TMEM132C: variants seen among roughly 807,000 people sequenced by gnomAD.
TMEM132C encodes the protein protein phosphatase 1, regulatory subunit 152.
Under a neutral mutation model 61.4 loss-of-function variants are expected in TMEM132C, and 29 were observed. The observed-to-expected ratio is 0.47, with a 90% CI of 0.35 to 0.64. TMEM132C has a LOEUF of 0.64. Ranked by LOEUF, TMEM132C falls within the 30% of genes least tolerant of loss-of-function variation. TMEM132C has a pLI of 0.00. For synonymous variants in TMEM132C, 656 were observed against 633.1 expected, an observed-to-expected ratio of 1.04 and a Z score of -0.54; for missense variants, 1,408 against 1,476.9, an observed-to-expected ratio of 0.95 and a Z score of 0.76.
intron 1 of TMEM132C, among the ~76,000 whole-genome samples, chr12:128,352,158 G>C (rs186012155): frequency 6.6e-6 from 1 of 152,306 alleles, no homozygotes; most frequent in Admixed American, 6.5e-5. Context: ...TGCTAATAAA[G>C]ATATACCTGA....
At position 128,692,211 on chromosome 12, in the gene TMEM132C, C is replaced by T. The variant is rs539589388; in HGVS notation, c.1450-1618C>T. Among the ~76,000 whole-genome samples, 9 of 152,368 alleles carry T rather than the reference C, an allele frequency of 5.9e-5. No individual in the cohort carries two copies. In the East Asian group the frequency reaches 1.7e-3, roughly 29 times the overall value. Reference sequence around the variant, plus strand: ...CCATCCATCCATCTGTTCATCCTTTCCTCCATCTGTCCATCTGTCTATGCA... The same window carrying T: ...CCATCCATCCATCTGTTCATCCTTTTCTCCATCTGTCCATCTGTCTATGCA... On this transcript the variant is annotated intron_variant, in intron 5 of 8. Transcript: ENST00000435159.
At chr12:128,643,079 G>A (rs987736515) in intron 4 of TMEM132C, among the ~76,000 whole-genome samples, 25 of 152,074 alleles carry the variant, frequency 1.6e-4, no homozygotes, top group African/African-American at 5.6e-4. Flanking sequence ...CCATGGCGTC[G>A]ACGCACCAGT....
At position 128,355,684 on chromosome 12, in the gene TMEM132C, T is replaced by C. The variant is rs60403184; in HGVS notation, c.86-59048T>C. On this transcript the variant is annotated intron_variant, in intron 1 of 8. Transcript: ENST00000435159. ...CACCTCCCCTGACCCTCTTCCCTTA[T>C]TCCCTCCTTTCCTCCACACTGTCCT... Among the ~76,000 whole-genome samples the C allele has an allele frequency of 8.6e-3, 1,304 of 152,048 alleles. 27 individuals carry two copies. The highest frequency in any genetic ancestry group is 0.03 in the African/African-American group (1,228 of 41,522).
intron 3 of TMEM132C, among the ~76,000 whole-genome samples, chr12:128,607,322 C>T (rs1304522728): frequency 6.6e-6 from 1 of 152,142 alleles, no homozygotes; most frequent in Non-Finnish European, 1.5e-5. Flanking sequence ...CAGTTAGGCT[C>T]AGCCTCAGAA....
rs184086514 is a variant in TMEM132C at position 128,467,000 on chromosome 12, A to T, written c.974+51380A>T. Reference sequence around the variant, plus strand: ...AGCCAGCACTTGTGGAAGGAGTAGGATTTCAACATGATAAGGAAGAGGGGC... The same window carrying T: ...AGCCAGCACTTGTGGAAGGAGTAGGTTTTCAACATGATAAGGAAGAGGGGC... On this transcript the variant is annotated intron_variant, in intron 2 of 8. Transcript: ENST00000435159. 1.3e-3 allele frequency among the ~76,000 whole-genome samples: 204 copies of T among 152,278 alleles called. 1 individual carries two copies. The highest frequency in any genetic ancestry group is 4.6e-3 in the African/African-American group (191 of 41,552).
intron 2 of TMEM132C, among the ~76,000 whole-genome samples, chr12:128,540,001 A>G (rs1370689368): frequency 6.6e-6 from 1 of 152,020 alleles, no homozygotes; most frequent in Non-Finnish European, 1.5e-5. Flanking sequence ...TGTTATTGAC[A>G]TATTGAACCT....
chr12:128,313,513 A>G (rs1036389037), intron 1 of TMEM132C, among the ~76,000 whole-genome samples: 1 of 152,066 alleles, frequency 6.6e-6, no homozygotes, highest in African/African-American at 2.4e-5. Flanking sequence ...GCTTTTCTCC[A>G]TCTTTATTAA....
chr12:128,334,268 G>A (rs557283931), intron 1 of TMEM132C, among the ~76,000 whole-genome samples: 2 of 152,298 alleles, frequency 1.3e-5, no homozygotes, highest in African/African-American at 4.8e-5. Context: ...CTGCACCTCA[G>A]TGTCAGCCCA....
intron 1 of TMEM132C, among the ~76,000 whole-genome samples, chr12:128,345,656 A>G (rs1873136668): frequency 6.6e-6 from 1 of 152,138 alleles, no homozygotes; most frequent in African/African-American, 2.4e-5. Context: ...ACATTTTTCT[A>G]ATGATCAGTG....
intron 2 of TMEM132C, among the ~76,000 whole-genome samples, chr12:128,469,466 C>T (rs1158438081): frequency 6.6e-6 from 1 of 151,786 alleles, no homozygotes; most frequent in Non-Finnish European, 1.5e-5. Context: ...CAGGCATGCA[C>T]CACCACACCC....
At chr12:128,269,347 CGTGTGTGTGTGTGTGT>C (rs58843737) in intron 1 of TMEM132C, among the ~76,000 whole-genome samples, 7 of 143,050 alleles carry the variant, frequency 4.9e-5, no homozygotes, top group Non-Finnish European at 1.1e-4. Flanking sequence ...GCTCACATTC[CGTGTGTGTGTGTGTGT>C]GTGTGTGTGT....
At chr12:128,530,418 G>C (rs1174050359) in intron 2 of TMEM132C, among the ~76,000 whole-genome samples, 1 of 152,026 alleles carries the variant, frequency 6.6e-6, no homozygotes, top group African/African-American at 2.4e-5. Context: ...ATACGGAGTT[G>C]AGAGCACACA....
At position 128,544,053 on chromosome 12, in the gene TMEM132C, C is replaced by T. The variant is rs545458723; in HGVS notation, c.1071C>T (p.His357=). ...VKQEVGSGGK[H]VTATVACQRL... ...AGGAGGTGGGCAGCGGCGGAAAGCA[C>T]GTGACGGCCACCGTGGCCTGCCAGC... The change falls in exon 3 of 9, where the codon CAC becomes CAT. Residue 357 remains histidine (H), a synonymous_variant. Coordinates refer to ENST00000435159, the MANE Select transcript of TMEM132C (RefSeq NM_001136103.3). 72 of 1,546,542 alleles carry T rather than the reference C, an allele frequency of 4.7e-5. No individual in the cohort carries two copies. The highest frequency in any genetic ancestry group is 5.9e-5 in the Non-Finnish European group (67 of 1,144,624).
chr12:128,442,600 A>G lies in TMEM132C; in HGVS notation c.974+26980A>G, dbSNP rs918323510. ...TGTCAGTGTTTTAAAAAAAAAAAAA[A>G]GGTGAGGGACAGAAACAAAAGAACG... On this transcript the variant is annotated intron_variant, in intron 2 of 8. Transcript: ENST00000435159. Among the ~76,000 whole-genome samples, 4 of 150,986 alleles carry G rather than the reference A, an allele frequency of 2.6e-5. No individual in the cohort carries two copies. In the East Asian group the frequency reaches 5.8e-4, roughly 22 times the overall value.
chr12:128,533,915 T>C (rs910300621), intron 2 of TMEM132C, among the ~76,000 whole-genome samples: 1 of 148,568 alleles, frequency 6.7e-6, no homozygotes, highest in Admixed American at 6.7e-5. Context: ...CACACATGCA[T>C]ACACACACAC....
rs1303901744 is a variant in TMEM132C at position 128,697,359 on chromosome 12, A to G, written c.2065A>G (p.Ser689Gly). ...CGCCCTTTACCCCAACGCAGAAAAC[A>G]GCAAGGCCGTAACAGCTGTGGTCAC... The part of the protein sequence containing the change: ...SVALYPNAEN[S>G]KAVTAVVTAE... Residue 689 changes from serine to glycine, a missense_variant, in exon 8 of 9, where the codon AGC (serine) becomes GGC (glycine). Ser to Gly is a moderately conservative substitution (Grantham distance 56). Coordinates refer to ENST00000435159, the MANE Select transcript of TMEM132C (RefSeq NM_001136103.3). 6 of 1,551,226 alleles carry G rather than the reference A, an allele frequency of 3.9e-6. No individual in the cohort carries two copies. Among genetic ancestry groups the G allele is most frequent in the Non-Finnish European group, 5.2e-6 (6 of 1,146,684 alleles).
chr12:128,308,553 G>A (rs1206220329), intron 1 of TMEM132C, among the ~76,000 whole-genome samples: 2 of 152,184 alleles, frequency 1.3e-5, no homozygotes, highest in African/African-American at 4.8e-5. Context: ...GTGAATGGAG[G>A]AATGTTTGTA....
chr12:128,349,122 G>A (rs1873260719), intron 1 of TMEM132C, among the ~76,000 whole-genome samples: 1 of 152,150 alleles, frequency 6.6e-6, no homozygotes, highest in South Asian at 2.1e-4. Context: ...TCCTGGCTCA[G>A]CCTCCCAAGT....
At chr12:128,533,152 T>C (rs149469584) in intron 2 of TMEM132C, among the ~76,000 whole-genome samples, 3 of 152,194 alleles carry the variant, frequency 2.0e-5, no homozygotes, top group Non-Finnish European at 2.9e-5. Context: ...GAAGCTGTTA[T>C]GTACATGTGA....
Sources: allele counts gnomAD v4.1 joint callset (sites outside exome capture counted in the v4.1 genomes callset), GRCh38; gene constraint gnomAD v4.1.1; transcripts MANE v1.5; gene names NCBI Gene and HGNC (gene_info 2026-07-23, HGNC 2026-07-21).